Variants in TES observed in about 807,000 individuals in gnomAD.
TES encodes testin.
TES carries 41 observed loss-of-function variants against 48.2 expected under a neutral mutation model. That is an observed-to-expected ratio of 0.85 (90% confidence interval 0.66 to 1.10). The LOEUF is 1.10. TES is among the 50% of genes least tolerant of loss of function. TES has a pLI of 0.00. For synonymous variants in TES, 162 were observed against 174.9 expected (o/e 0.93, Z 0.58); for missense variants, 463 against 515.1 (o/e 0.90, Z 0.98).
intron 6 of TES, among the ~76,000 whole-genome samples, chr7:116,253,737 T>C (rs1800052846): frequency 6.6e-6 from 1 of 152,138 alleles, no homozygotes; most frequent in Admixed American, 6.6e-5. Context: ...TACACATTTA[T>C]TCCTTTAGAT....
intron 3 of TES, chr7:116,249,733 C>T (rs1206190422): frequency 6.1e-6 from 1 of 162,766 alleles, no homozygotes; most frequent in Non-Finnish European, 1.3e-5. Flanking sequence ...ACTATTATAA[C>T]AACCAAATGA....
intron 1 of TES, among the ~76,000 whole-genome samples, chr7:116,233,734 A>G (rs1799730090): frequency 6.6e-6 from 1 of 152,156 alleles, no homozygotes; most frequent in South Asian, 2.1e-4. Flanking sequence ...AATAATAGAA[A>G]TTTATTTGTC....
At chr7:116,248,396 TA>T (rs1799956759) in intron 2 of TES, among the ~76,000 whole-genome samples, 1 of 152,242 alleles carries the variant, frequency 6.6e-6, no homozygotes, top group African/African-American at 2.4e-5. Flanking sequence ...GTGGCTGAAC[TA>T]ATTTACATTC....
chr7:116,231,772 T>C (rs1465895121), intron 1 of TES, among the ~76,000 whole-genome samples: 1 of 152,178 alleles, frequency 6.6e-6, no homozygotes, highest in Non-Finnish European at 1.5e-5. Context: ...CAGAGTCTGT[T>C]CTGTCAGTCT....
intron 3 of TES, chr7:116,249,502 A>C: frequency 6.2e-6 from 3 of 486,026 alleles, no homozygotes; most frequent in Non-Finnish European, 1.1e-5. Flanking sequence ...GGAATGGTCT[A>C]ACGTTCTTAA....
At chr7:116,256,225 A>G (rs1223432392) in intron 6 of TES, among the ~76,000 whole-genome samples, 2 of 152,288 alleles carry the variant, frequency 1.3e-5, no homozygotes, top group East Asian at 1.9e-4. Context: ...GCCTAAACCA[A>G]TTACCCAGTG....
intron 2 of TES, among the ~76,000 whole-genome samples, chr7:116,240,853 A>G (rs1799837142): frequency 6.6e-6 from 1 of 152,156 alleles, no homozygotes; most frequent in South Asian, 2.1e-4. Context: ...AGCACAAATA[A>G]ATAAACAAGC....
chr7:116,255,705 C>T (rs1430661810), intron 6 of TES, among the ~76,000 whole-genome samples: 4 of 152,062 alleles, frequency 2.6e-5, no homozygotes, highest in East Asian at 3.9e-4. Flanking sequence ...ATAAAACACA[C>T]GGTGTATTTT....
At chr7:116,240,790 T>C (rs1700966414) in intron 2 of TES, among the ~76,000 whole-genome samples, 1 of 152,140 alleles carries the variant, frequency 6.6e-6, no homozygotes, top group South Asian at 2.1e-4. Flanking sequence ...TTGAAAACTG[T>C]GTTAAATATG....
At chr7:116,234,418 ATTTG>A in intron 1 of TES, 112 bp from the exon 2 acceptor site, 14 of 842,556 alleles carry the variant, frequency 1.7e-5, no homozygotes, top group Middle Eastern at 2.8e-4. Flanking sequence ...TAAATATAAG[ATTTG>A]TTTGAAAGTT....
intron 5 of TES, 100 bp from the exon 6 acceptor site, chr7:116,252,218 G>A: frequency 1.5e-6 from 2 of 1,302,446 alleles, no homozygotes; most frequent in Admixed American, 2.6e-5. Context: ...TCAAGCTTTA[G>A]GTTATCATTT....
chr7:116,215,226 G>A (rs190588588), intron 1 of TES, among the ~76,000 whole-genome samples: 202 of 152,216 alleles, frequency 1.3e-3, no homozygotes, highest in Admixed American at 4.8e-3. Context: ...CTTCCATCAT[G>A]CCAACTAGGC....
chr7:116,240,994 A>G (rs921404611), intron 2 of TES, among the ~76,000 whole-genome samples: 4 of 152,306 alleles, frequency 2.6e-5, no homozygotes, highest in Non-Finnish European at 5.9e-5. Context: ...TTTTTGTTTT[A>G]GGTTTGTATA....
At chr7:116,250,533 T>C in intron 4 of TES, 37 bp downstream of exon 4, 1 of 1,404,868 alleles carries the variant, frequency 7.1e-7, no homozygotes, top group Non-Finnish European at 9.3e-7. Context: ...CTGATTTGTA[T>C]ACTTTACAGA....
chr7:116,213,987 A>G lies in TES; in HGVS notation c.27+3253A>G, dbSNP rs868841582. Among the ~76,000 whole-genome samples the G allele has an allele frequency of 3.9e-5, 6 of 152,156 alleles. No homozygotes were observed. In the Middle Eastern group the frequency reaches 0.01, roughly 259 times the overall value. On this transcript the variant is annotated intron_variant, in intron 1 of 6. Coordinates refer to ENST00000358204, the MANE Select transcript of TES (RefSeq NM_015641.4). ...CTCCCATGAGAAATATTTTTTTTCA[A>G]TTAAGAACATACCAACAGAGAAAGA... is the stretch of plus-strand genomic sequence containing the variant.
intron 2 of TES, among the ~76,000 whole-genome samples, chr7:116,246,943 GCCC>G (rs756889374): frequency 9.1e-6 from 1 of 109,616 alleles, no homozygotes; most frequent in African/African-American, 3.7e-5. Flanking sequence ...CAGAGACTAG[GCCC>G]CTTTTTTTTT....
In TES at chr7:116,239,025, G is replaced by A. The variant is rs571238474; in HGVS notation, c.113+4406G>A. The A allele has an allele frequency of 6.6e-5, 10 of 152,336 alleles. No individual in the cohort carries two copies. In the East Asian group the frequency reaches 1.4e-3, roughly 21 times the overall value. The allele number at this position is 152,336 out of a possible 1,614,324, so 9.4% of individuals were successfully genotyped here. Reference sequence around the variant, plus strand: ...GCTAAAAGTACTCACCTTTAAGTGCGAGGGAAGAATCTGCTTTCAAGCTCA... The same window carrying A: ...GCTAAAAGTACTCACCTTTAAGTGCAAGGGAAGAATCTGCTTTCAAGCTCA... On this transcript the variant is annotated intron_variant, in intron 2 of 6. Transcript: ENST00000358204.
At chr7:116,247,583 G>GA (rs1799944597) in intron 2 of TES, among the ~76,000 whole-genome samples, 1 of 151,692 alleles carries the variant, frequency 6.6e-6, no homozygotes, top group Non-Finnish European at 1.5e-5. Flanking sequence ...TGAATTCATT[G>GA]AAAAAATCTT....
rs778435950 is a variant in TES at position 116,249,123 on chromosome 7, A to G, written c.217A>G (p.Thr73Ala). The change falls in exon 3 of 7, where the codon ACC becomes GCC. Residue 73 changes from threonine (T) to alanine (A), a missense_variant. Thr to Ala is a moderately conservative substitution (Grantham distance 58). Transcript: ENST00000358204. ...VGKLFEDTKY[T>A]TLIAKLKSDG... ...AAAACTTTTTGAAGACACCAAGTAT[A>G]CCACTCTGATTGCAAAACTAAAGTC... is the stretch of plus-strand genomic sequence containing the variant. 4 of 1,614,126 alleles carry G rather than the reference A, an allele frequency of 2.5e-6. No homozygotes were observed. In the East Asian group the frequency reaches 8.9e-5, roughly 36 times the overall value.
Sources: allele counts gnomAD v4.1 joint callset (sites outside exome capture counted in the v4.1 genomes callset), GRCh38; gene constraint gnomAD v4.1.1; transcripts MANE v1.5; gene names NCBI Gene and HGNC (gene_info 2026-07-23, HGNC 2026-07-21).